The following TRERF1 variants were observed in gnomAD, a reference collection of about 807,000 sequenced individuals.
TRERF1 encodes the protein transcriptional-regulating factor 1.
TRERF1 carries 27 observed loss-of-function variants against 122.9 expected under a neutral mutation model. The ratio of observed to expected loss-of-function variants is 0.22; its 90% confidence interval spans 0.16 to 0.30. TRERF1 has a LOEUF of 0.30. Among genes scored for constraint, TRERF1 ranks in the 10% least tolerant of loss-of-function variants. TRERF1 has a pLI of 1.00. For synonymous variants in TRERF1, 636 were observed against 641.7 expected (o/e 0.99, Z 0.13); for missense variants, 1,248 against 1,560.3 (o/e 0.80, Z 3.37).
At chr6:42,444,037 G>A (rs1787020292) in intron 2 of TRERF1, among the ~76,000 whole-genome samples, 1 of 152,072 alleles carries the variant, frequency 6.6e-6, no homozygotes, top group African/African-American at 2.4e-5. Context: ...GAGCCTTGGT[G>A]TAGAGCTGGA....
intron 4 of TRERF1, among the ~76,000 whole-genome samples, chr6:42,290,396 G>T (rs1310598318): frequency 3.9e-5 from 6 of 152,196 alleles, no homozygotes; most frequent in African/African-American, 1.4e-4. Flanking sequence ...TCTTCCTCTT[G>T]CCCTAGTCAG....
chr6:42,272,560 C>A (rs1033942039), intron 4 of TRERF1, among the ~76,000 whole-genome samples: 2 of 152,164 alleles, frequency 1.3e-5, no homozygotes, highest in African/African-American at 4.8e-5. Flanking sequence ...AGATGATGCC[C>A]ACCCCCAAGT....
intron 8 of TRERF1, among the ~76,000 whole-genome samples, chr6:42,262,522 A>G (rs1258628340): frequency 6.9e-5 from 3 of 43,704 alleles, no homozygotes; most frequent in South Asian, 1.3e-3. Flanking sequence ...AGAGAGAGAG[A>G]GAGAGAGAGA....
exon 11 of TRERF1, chr6:42,257,019 G>T (rs1776871721): frequency 6.2e-7 from 1 of 1,614,178 alleles, no homozygotes; most frequent in Non-Finnish European, 8.5e-7. Flanking sequence ...TACCAGTGTG[G>T]CCTTGTGTGT....
At chr6:42,357,200 G>C (rs1309593417) in intron 3 of TRERF1, among the ~76,000 whole-genome samples, 1 of 151,592 alleles carries the variant, frequency 6.6e-6, no homozygotes. Context: ...ATGGTGGTGC[G>C]TGCCTGTAAT....
At chr6:42,407,890 C>T (rs1337149615) in intron 2 of TRERF1, among the ~76,000 whole-genome samples, 2 of 151,034 alleles carry the variant, frequency 1.3e-5, no homozygotes, top group East Asian at 1.9e-4. Context: ...ATATTCTTGT[C>T]GCACTTAACT....
intron 4 of TRERF1, among the ~76,000 whole-genome samples, chr6:42,270,717 T>C (rs1780058268): frequency 6.6e-6 from 1 of 151,660 alleles, no homozygotes; most frequent in Admixed American, 6.6e-5. Context: ...CGAGGATTAC[T>C]TGAGCTAAGG....
chr6:42,445,453 C>A (rs978687466), intron 2 of TRERF1, among the ~76,000 whole-genome samples: 1 of 151,784 alleles, frequency 6.6e-6, no homozygotes, highest in African/African-American at 2.4e-5. Context: ...GCATTCTGTC[C>A]ACTCTCCTGC....
intron 3 of TRERF1, among the ~76,000 whole-genome samples, chr6:42,346,775 C>A (rs1189234940): frequency 6.6e-6 from 1 of 152,106 alleles, no homozygotes; most frequent in Non-Finnish European, 1.5e-5. Flanking sequence ...CCAGCCATAC[C>A]ATCCTCAGGG....
chr6:42,359,709 C>A (rs183888347), intron 3 of TRERF1, among the ~76,000 whole-genome samples: 1 of 152,076 alleles, frequency 6.6e-6, no homozygotes, highest in African/African-American at 2.4e-5. Flanking sequence ...GGTGACAGAG[C>A]GAGACTCCGT....
chr6:42,248,309 A>T (rs1016417824), intron 13 of TRERF1, among the ~76,000 whole-genome samples: 8 of 152,106 alleles, frequency 5.3e-5, no homozygotes, highest in African/African-American at 1.9e-4. Flanking sequence ...GACATCTACA[A>T]AAGCAGGGCC....
chr6:42,337,744 G>C (rs1014268253), intron 3 of TRERF1, among the ~76,000 whole-genome samples: 10 of 152,174 alleles, frequency 6.6e-5, no homozygotes, highest in South Asian at 2.1e-4. Context: ...GCAAAGGCAT[G>C]GAGGTGGGAA....
chr6:42,240,262 G>A (rs1393823005), intron 15 of TRERF1, among the ~76,000 whole-genome samples: 1 of 152,144 alleles, frequency 6.6e-6, no homozygotes, highest in Non-Finnish European at 1.5e-5. Flanking sequence ...CATTTATTGA[G>A]TGACTGTATT....
At chr6:42,229,471 G>C (rs1296265169) in intron 17 of TRERF1, among the ~76,000 whole-genome samples, 1 of 152,138 alleles carries the variant, frequency 6.6e-6, no homozygotes, top group Non-Finnish European at 1.5e-5. Flanking sequence ...CTGCCCACAC[G>C]CACTTGGTGG....
chr6:42,304,425 A>T lies in TRERF1; in HGVS notation c.-370-3676T>A, dbSNP rs1009025637. Among the ~76,000 whole-genome samples, 10 of 152,266 alleles carry T rather than the reference A, an allele frequency of 6.6e-5. No individual in the cohort carries two copies. The South Asian group carries it at 1.7e-3, about 25-fold the overall frequency. ...ACTGAGCACGCTGCCCCTGCTCCTA[A>T]TAGGCCCTGGATAAGTGGCAGCTGT... On this transcript the variant is annotated intron_variant, in intron 3 of 17. Coordinates refer to ENST00000372922, the Ensembl canonical transcript of TRERF1.
intron 17 of TRERF1, among the ~76,000 whole-genome samples, chr6:42,231,351 T>C (rs543755124): frequency 2.8e-4 from 43 of 152,382 alleles, no homozygotes; most frequent in African/African-American, 9.9e-4. Context: ...GTCAGTGATA[T>C]TCTGTTGTAG....
chr6:42,292,547 T>C (rs1373055441), intron 4 of TRERF1, among the ~76,000 whole-genome samples: 2 of 152,162 alleles, frequency 1.3e-5, no homozygotes, highest in African/African-American at 4.8e-5. Flanking sequence ...TGGCTCATCC[T>C]TGCAGGAAGT....
At chr6:42,350,883 G>A (rs1007356985) in intron 3 of TRERF1, among the ~76,000 whole-genome samples, 3 of 151,870 alleles carry the variant, frequency 2.0e-5, no homozygotes, top group Non-Finnish European at 2.9e-5. Flanking sequence ...TACACACACC[G>A]CATAAAAATC....
At chr6:42,272,913 C>G (rs913781587) in intron 4 of TRERF1, among the ~76,000 whole-genome samples, 1 of 152,188 alleles carries the variant, frequency 6.6e-6, no homozygotes, top group Non-Finnish European at 1.5e-5. Flanking sequence ...GTCACCACGT[C>G]CATATTCAAA....
Sources: gnomAD v4.1 joint callset for allele counts (sites outside exome capture counted in the v4.1 genomes callset) on GRCh38, gnomAD v4.1.1 for gene constraint, MANE v1.5 for transcripts, NCBI Gene and HGNC (gene_info 2026-07-23, HGNC 2026-07-21) for gene names.